ELL2: variants seen among roughly 807,000 people sequenced by gnomAD.
The protein encoded by ELL2 is elongation factor for RNA polymerase II 2, also known as RNA polymerase II elongation factor ELL2.
A neutral mutation model predicts 72.8 loss-of-function variants in ELL2; 21 were observed. That is an observed-to-expected ratio of 0.29 (90% CI 0.20 to 0.42). The LOEUF is 0.42. Ranked by LOEUF, ELL2 falls within the 10% of genes least tolerant of loss-of-function variation. The probability of loss-of-function intolerance (pLI) is 1.00; values close to 1 mark genes in which losing one functional copy is unlikely to be tolerated. For synonymous variants in ELL2, 266 were observed against 283.2 expected (o/e 0.94, Z 0.61); for missense variants, 568 against 772.8 (o/e 0.73, Z 3.14).
intron 2 of ELL2, among the ~76,000 whole-genome samples, chr5:95,929,219 C>T (rs1750505117): frequency 6.6e-6 from 1 of 151,496 alleles, no homozygotes; most frequent in Admixed American, 6.6e-5. Flanking sequence ...TCTCTCCCAC[C>T]AGACTGTGAG....
At chr5:95,950,902 GTGTATA>G (rs60447683) in intron 1 of ELL2, among the ~76,000 whole-genome samples, 2,098 of 74,882 alleles carry the variant, frequency 0.028, 134 homozygotes, top group Middle Eastern at 0.042. Context: ...ATGTATGTAT[GTGTATA>G]TATATATATA....
At chr5:95,924,300 C>T (rs189263328) in intron 2 of ELL2, among the ~76,000 whole-genome samples, 23 of 152,160 alleles carry the variant, frequency 1.5e-4, no homozygotes, top group East Asian at 9.6e-4. Flanking sequence ...TCATGAAATA[C>T]GAGGAGGAGG....
intron 1 of ELL2, among the ~76,000 whole-genome samples, chr5:95,954,682 C>T (rs1398388779): frequency 3.4e-5 from 5 of 147,070 alleles, no homozygotes; most frequent in Non-Finnish European, 5.9e-5. Flanking sequence ...CCTCGTGATG[C>T]GCCCGCCTAG....
chr5:95,961,608 C>T lies in ELL2; in HGVS notation c.114G>A (p.Ala38=), dbSNP rs1346774699. 5.0e-6 allele frequency: 8 copies of T among 1,606,114 alleles called. No homozygotes were observed. Among genetic ancestry groups the T allele is most frequent in the Admixed American group, 1.7e-5 (1 of 59,500 alleles). ...TVLHVKLTET[A]IRALETYQSH... ...TCTGGTAAGTCTCGAGCGCCCGGAT[C>T]GCCGTCTCGGTGAGCTTCACATGCA... Residue 38 remains alanine (A), a synonymous_variant, in exon 1 of 12, where the codon GCG becomes GCA. Coordinates refer to ENST00000237853, the MANE Select transcript of ELL2 (RefSeq NM_012081.6).
At chr5:95,958,876 G>T (rs1453492320) in intron 1 of ELL2, among the ~76,000 whole-genome samples, 2 of 151,820 alleles carry the variant, frequency 1.3e-5, no homozygotes, top group Non-Finnish European at 2.9e-5. Flanking sequence ...CAAAGACATT[G>T]ACGACTTTGG....
intron 4 of ELL2, 145 bp from the exon 5 acceptor site, chr5:95,906,927 T>G (rs1749384746): frequency 3.9e-6 from 3 of 768,964 alleles, no homozygotes; most frequent in South Asian, 7.0e-5. Context: ...TAAGAAGGCA[T>G]GCAAACAGAA....
At chr5:95,931,556 A>T (rs957331787) in intron 2 of ELL2, among the ~76,000 whole-genome samples, 1 of 152,146 alleles carries the variant, frequency 6.6e-6, no homozygotes, top group African/African-American at 2.4e-5. Context: ...AGGGGCTACA[A>T]GTCTTCTGGG....
chr5:95,931,885 T>C (rs748913413), intron 2 of ELL2, among the ~76,000 whole-genome samples: 15 of 126,254 alleles, frequency 1.2e-4, no homozygotes, highest in East Asian at 4.5e-4. Context: ...ACAAAGAAAA[T>C]AGAATTAAGG....
chr5:95,905,538 T>C lies in ELL2; in HGVS notation c.741+985A>G, dbSNP rs62364433. On this transcript the variant is annotated intron_variant, in intron 5 of 11. Coordinates refer to ENST00000237853, the MANE Select transcript of ELL2 (RefSeq NM_012081.6). ...GCTCTTAAAACTGCTATGTGACATA[T>C]GGATTTAAATTATTTCCAAAAAGTG... Among the ~76,000 whole-genome samples, 255 of 152,256 alleles carry C rather than the reference T, an allele frequency of 1.7e-3. 1 individual carries two copies. The highest frequency in any genetic ancestry group is 3.4e-3 in the Middle Eastern group (1 of 294).
Position 95,886,363 on chromosome 5 carries a change from T to C in ELL2, c.*2508A>G, listed in dbSNP as rs1022491903. On this transcript the variant is annotated 3_prime_UTR_variant, in exon 12 of 12. Coordinates refer to ENST00000237853, the MANE Select transcript of ELL2 (RefSeq NM_012081.6). ...AGACAGACACACTTTTGCAAGGATC[T>C]GTCCAACACATACAACTAACATCTA... 3.3e-5 allele frequency: 5 copies of C among 152,238 alleles called. No homozygotes were observed. The highest frequency in any genetic ancestry group is 3.3e-4 in the Admixed American group (5 of 15,276). The allele number at this position is 152,238 out of a possible 1,614,324, so 9.4% of individuals were successfully genotyped here. A position where few individuals can be genotyped will look rare whatever the true frequency, so the allele number is the denominator to read the frequency against.
intron 6 of ELL2, 27 bp from the exon 7 acceptor site, chr5:95,900,807 T>C (rs765145649): frequency 3.6e-5 from 57 of 1,580,434 alleles, no homozygotes; most frequent in Non-Finnish European, 2.6e-6. Flanking sequence ...TGTTATGTGT[T>C]AAGGAGATGA....
intron 1 of ELL2, among the ~76,000 whole-genome samples, chr5:95,944,077 T>C (rs949318205): frequency 6.6e-6 from 1 of 152,208 alleles, no homozygotes; most frequent in Non-Finnish European, 1.5e-5. Context: ...AATAAAAATA[T>C]AGAGGCACTA....
chr5:95,936,117 G>A (rs1306114432), intron 2 of ELL2, among the ~76,000 whole-genome samples: 1 of 152,146 alleles, frequency 6.6e-6, no homozygotes, highest in African/African-American at 2.4e-5. Context: ...CTATGTTGTG[G>A]AACTTTTGTT....
intron 4 of ELL2, 161 bp downstream of exon 4, chr5:95,913,610 C>G (rs1413839301): frequency 7.1e-6 from 5 of 707,340 alleles, no homozygotes; most frequent in Non-Finnish European, 1.1e-5. Flanking sequence ...TACTGGCAGT[C>G]TGAAGAGAAC....
At chr5:95,930,663 A>G (rs1248880281) in intron 2 of ELL2, among the ~76,000 whole-genome samples, 4 of 152,224 alleles carry the variant, frequency 2.6e-5, no homozygotes, top group African/African-American at 9.6e-5. Flanking sequence ...TTTATGTATT[A>G]CAAACAGACT....
In ELL2 at chr5:95,888,798, T is replaced by C; in HGVS notation, c.*73A>G. ...CAGCCAAAGTTTCACCTTTTTAGAATCTAGAGCAACTCATTTGGAATTTTA... is the reference window on the plus strand; with the variant it reads ...CAGCCAAAGTTTCACCTTTTTAGAACCTAGAGCAACTCATTTGGAATTTTA... On this transcript the variant is annotated 3_prime_UTR_variant, in exon 12 of 12. Transcript: ENST00000237853. The C allele has an allele frequency of 2.7e-6, 3 of 1,094,724 alleles. No individual in the cohort carries two copies. The highest frequency in any genetic ancestry group is 3.2e-5 in the African/African-American group (2 of 61,628). The allele number at this position is 1,094,724 out of a possible 1,614,324, so 67.8% of individuals were successfully genotyped here. A position where few individuals can be genotyped will look rare whatever the true frequency, so the allele number is the denominator to read the frequency against.
chr5:95,924,905 A>T (rs1242789652), intron 2 of ELL2, among the ~76,000 whole-genome samples: 3 of 152,342 alleles, frequency 2.0e-5, no homozygotes, highest in Admixed American at 1.3e-4. Flanking sequence ...GGTCATTTCA[A>T]CATCAAGTCA....
intron 1 of ELL2, among the ~76,000 whole-genome samples, chr5:95,944,894 G>A (rs1751097736): frequency 6.6e-6 from 1 of 152,118 alleles, no homozygotes; most frequent in Non-Finnish European, 1.5e-5. Flanking sequence ...GATTCTTCTT[G>A]GTCAGATAAA....
chr5:95,927,522 CATACACACACGTGTGTATATAGACAT>C lies in ELL2; in HGVS notation c.196-8003_196-7978del, dbSNP rs1750380236. 6.4e-5 allele frequency among the ~76,000 whole-genome samples: 2 copies of C among 31,418 alleles called. 1 individual carries two copies. Among genetic ancestry groups the C allele is most frequent in the African/African-American group, 6.4e-4 (2 of 3,128 alleles). 20.6% of individuals were successfully genotyped at this position (31,418 alleles called of 152,430 possible). ...ACATACACACACGTGTGTATATAGA[CATACACACACGTGTGTATATAGACAT>C]ACACACACACGTGTGTATATAGACA... On this transcript the variant is annotated intron_variant, in intron 2 of 11. Coordinates refer to ENST00000237853, the MANE Select transcript of ELL2 (RefSeq NM_012081.6).
Sources: gnomAD v4.1 joint callset for allele counts (sites outside exome capture counted in the v4.1 genomes callset) on GRCh38, gnomAD v4.1.1 for gene constraint, MANE v1.5 for transcripts, NCBI Gene and HGNC (gene_info 2026-07-23, HGNC 2026-07-21) for gene names.